Variants in KCNN3 observed in about 807,000 individuals in gnomAD.
The protein encoded by KCNN3 is potassium calcium-activated channel subfamily N member 3.
Under a neutral mutation model 62.9 loss-of-function variants are expected in KCNN3, and 16 were observed. The ratio of observed to expected loss-of-function variants is 0.25; its 90% CI spans 0.17 to 0.39. KCNN3 has a LOEUF of 0.39. Among genes scored for constraint, KCNN3 ranks in the 10% least tolerant of loss-of-function variants. The pLI is 1.00. For synonymous variants in KCNN3, 370 were observed against 389.2 expected, an observed-to-expected ratio of 0.95 and a Z score of 0.58; for missense variants, 599 against 949.4, an observed-to-expected ratio of 0.63 and a Z score of 4.85.
intron 4 of KCNN3, 96 bp downstream of exon 4, chr1:154,732,907 G>T: frequency 7.1e-7 from 1 of 1,399,562 alleles, no homozygotes; most frequent in Non-Finnish European, 1.0e-6. Flanking sequence ...GCCACCCCCC[G>T]CTCTGCGGCT....
chr1:154,865,294 A>T (rs1652909859), intron 1 of KCNN3, among the ~76,000 whole-genome samples: 1 of 152,072 alleles, frequency 6.6e-6, no homozygotes, highest in African/African-American at 2.4e-5. Flanking sequence ...TTCTCAACAG[A>T]ATCTCTAGAC....
chr1:154,817,079 T>C (rs1381431644), intron 2 of KCNN3, among the ~76,000 whole-genome samples: 1 of 152,232 alleles, frequency 6.6e-6, no homozygotes, highest in East Asian at 1.9e-4. Context: ...TAAGGAGTTC[T>C]GCATATATTA....
chr1:154,823,445 G>A (rs1650986287), intron 1 of KCNN3, among the ~76,000 whole-genome samples: 2 of 152,192 alleles, frequency 1.3e-5, no homozygotes, highest in Admixed American at 1.3e-4. Context: ...GTGGTTTCAC[G>A]TATTTGTTCT....
At chr1:154,836,925 G>T (rs186803595) in intron 1 of KCNN3, among the ~76,000 whole-genome samples, 162 of 152,288 alleles carry the variant, frequency 1.1e-3, no homozygotes, top group African/African-American at 3.9e-3. Flanking sequence ...TGAATGAAGG[G>T]ATGCTACCCT....
At chr1:154,714,524 T>G (rs201919648) in intron 6 of KCNN3, among the ~76,000 whole-genome samples, 73 of 49,884 alleles carry the variant, frequency 1.5e-3, no homozygotes, top group African/African-American at 2.1e-3. Context: ...TGTGTGGTGT[T>G]TGTGTGTGGT....
chr1:154,868,660 C>T (rs943604596), intron 1 of KCNN3, among the ~76,000 whole-genome samples: 1 of 151,934 alleles, frequency 6.6e-6, no homozygotes, highest in African/African-American at 2.4e-5. Context: ...TGCTTTAGTA[C>T]GAGTGAGCCA....
chr1:154,790,896 A>G (rs1006049926), intron 2 of KCNN3, among the ~76,000 whole-genome samples: 1 of 152,224 alleles, frequency 6.6e-6, no homozygotes, highest in Non-Finnish European at 1.5e-5. Flanking sequence ...GCACATCAAT[A>G]TGAGTAAACA....
intron 1 of KCNN3, among the ~76,000 whole-genome samples, 156 bp downstream of exon 1, chr1:154,868,876 C>T (rs1170634578): frequency 6.6e-6 from 1 of 151,950 alleles, no homozygotes; most frequent in Non-Finnish European, 1.5e-5. Flanking sequence ...ACCTCTCTCT[C>T]CCAGTCTCCC....
rs1218581 is a variant in KCNN3 at position 154,862,220 on chromosome 1, G to T, written c.933+6812C>A. Among the ~76,000 whole-genome samples, 139,356 of 152,062 alleles carry T rather than the reference G, an allele frequency of 0.92. 64,012 individuals are homozygous for T. Among genetic ancestry groups the T allele is most frequent in the East Asian group, 1 (5,163 of 5,166 alleles). ...TCCTGAGATGGGCACCTGGAGTGAG[G>T]CACTCAACCCTGGGAACCCCTGTGC... On this transcript the variant is annotated intron_variant, in intron 1 of 7. Coordinates refer to ENST00000271915, the MANE Select transcript of KCNN3 (RefSeq NM_002249.6). This position sits in a 1 kb window ranked among gnomAD's most constrained non-coding sequence, Gnocchi z 4.1.
At position 154,733,041 on chromosome 1, in the gene KCNN3, ATGT is replaced by A; in HGVS notation, c.1549_1551del (p.Thr517del). ...AGGAGACAGACACCTTTCCCACAGT[ATGT>A]GTGGGGCACCATGTCCCCATAACCA... On this transcript the variant is annotated inframe_deletion, in exon 4 of 8. Coordinates refer to ENST00000271915, the MANE Select transcript of KCNN3 (RefSeq NM_002249.6). The A allele has an allele frequency of 6.2e-7, 1 of 1,613,644 alleles. No homozygotes were observed. The highest frequency in any genetic ancestry group is 8.5e-7 in the Non-Finnish European group (1 of 1,179,560).
rs377515092 is a variant in KCNN3, at chr1:154,848,338, C to G, written c.933+20694G>C. 7.9e-5 allele frequency among the ~76,000 whole-genome samples: 12 copies of G among 152,270 alleles called. No homozygotes were observed. In the South Asian group the frequency reaches 2.5e-3, roughly 32 times the overall value. On this transcript the variant is annotated intron_variant, in intron 1 of 7. Transcript: ENST00000271915. ...GCTGCCTGCCTCCCCAGACCTCCCC[C>G]CATATCTTCCCTTCCCACTGCCCCG...
At chr1:154,842,480 G>A (rs888212849) in intron 1 of KCNN3, among the ~76,000 whole-genome samples, 2 of 152,086 alleles carry the variant, frequency 1.3e-5, no homozygotes, top group African/African-American at 4.8e-5. Context: ...TCACCTGGTC[G>A]CACCCCAAAA....
intron 4 of KCNN3, among the ~76,000 whole-genome samples, chr1:154,727,098 G>A (rs1342930865): frequency 6.6e-6 from 1 of 152,214 alleles, no homozygotes; most frequent in East Asian, 1.9e-4. Flanking sequence ...GCAGGCAGCG[G>A]GAGTCAGCTC....
chr1:154,713,827 C>G lies in KCNN3; in HGVS notation c.1830-294G>C, dbSNP rs574965007. On this transcript the variant is annotated intron_variant, in intron 6 of 7. Transcript: ENST00000271915. ...TCCATGTTGAGTGCCTTATTCTCAA[C>G]TTTTCAGGGATTCCCCAAACCTCTC... Among the ~76,000 whole-genome samples, 5 of 150,928 alleles carry G rather than the reference C, an allele frequency of 3.3e-5. 1 individual carries two copies. The highest frequency in any genetic ancestry group is 3.4e-3 in the Middle Eastern group (1 of 294).
chr1:154,827,106 T>C (rs923795347), intron 1 of KCNN3, among the ~76,000 whole-genome samples: 5 of 152,248 alleles, frequency 3.3e-5, no homozygotes, highest in African/African-American at 1.2e-4. Context: ...CTGACATCAC[T>C]ATGTTTTGTG....
chr1:154,764,859 C>A (rs139590832), intron 3 of KCNN3, among the ~76,000 whole-genome samples: 2 of 152,310 alleles, frequency 1.3e-5, no homozygotes, highest in East Asian at 3.9e-4. Context: ...TACAACATTT[C>A]ATTATTAAGA....
At chr1:154,837,943 G>A (rs889913048) in intron 1 of KCNN3, among the ~76,000 whole-genome samples, 3 of 152,180 alleles carry the variant, frequency 2.0e-5, no homozygotes, top group Non-Finnish European at 4.4e-5. Context: ...TGAGGTCAGC[G>A]GGGAGGAAGG....
chr1:154,714,308 G>GGT (rs1700166018), intron 6 of KCNN3, among the ~76,000 whole-genome samples: 2 of 124,218 alleles, frequency 1.6e-5, no homozygotes, highest in Non-Finnish European at 1.7e-5. Context: ...GTGTGTGTGT[G>GGT]GTTTGTGTGA....
intron 1 of KCNN3, among the ~76,000 whole-genome samples, chr1:154,847,550 A>G (rs1652127184): frequency 6.6e-6 from 1 of 152,196 alleles, no homozygotes; most frequent in East Asian, 1.9e-4. Context: ...TGAGATAGAT[A>G]TTATAGTAAG....
Sources: gnomAD v4.1 joint callset for allele counts (sites outside exome capture counted in the v4.1 genomes callset) on GRCh38, gnomAD v4.1.1 for gene constraint, Gnocchi (gnomAD v3.1) non-coding constraint, MANE v1.5 for transcripts, NCBI Gene and HGNC (gene_info 2026-07-23, HGNC 2026-07-21) for gene names.